CFAP95: variants seen among roughly 807,000 people sequenced by gnomAD.
CFAP95 encodes cilia- and flagella-associated protein 95.
the CFAP95 span, among the ~76,000 whole-genome samples, chr9:69,850,257 C>T: frequency 1.3e-5 from 2 of 152,194 alleles, no homozygotes; most frequent in Non-Finnish European, 2.9e-5. Context: ...ATTTATTAAA[C>T]AGATTTTTCT....
the CFAP95 span, among the ~76,000 whole-genome samples, chr9:69,849,414 A>G: frequency 6.6e-6 from 1 of 152,176 alleles, no homozygotes. Flanking sequence ...GAAGTTCTAC[A>G]TTCAACAAAC....
At chr9:69,841,087 C>T in the CFAP95 span, among the ~76,000 whole-genome samples, 1 of 143,252 alleles carries the variant, frequency 7.0e-6, no homozygotes, top group East Asian at 2.1e-4. Context: ...CTTTCTTGGG[C>T]CCCTTCTTCC....
chr9:69,834,041 A>T, the CFAP95 span, among the ~76,000 whole-genome samples: 2 of 152,226 alleles, frequency 1.3e-5, no homozygotes, highest in Admixed American at 6.5e-5. Flanking sequence ...AAATTATTTA[A>T]GCCAGTAAGA....
At chr9:69,863,781 T>G in the CFAP95 span, among the ~76,000 whole-genome samples, 1 of 152,102 alleles carries the variant, frequency 6.6e-6, no homozygotes, top group South Asian at 2.1e-4. Flanking sequence ...AGATATAATT[T>G]TATGTTAAGA....
At chr9:69,891,086 A>G in the CFAP95 span, among the ~76,000 whole-genome samples, 5 of 152,242 alleles carry the variant, frequency 3.3e-5, no homozygotes, top group Non-Finnish European at 7.3e-5. Context: ...AAGAAGGTAC[A>G]TTAGAGAACT....
chr9:69,889,694 C>G, the CFAP95 span, among the ~76,000 whole-genome samples: 1 of 152,076 alleles, frequency 6.6e-6, no homozygotes, highest in African/African-American at 2.4e-5. Context: ...GCTGCAACAC[C>G]TGCTGTTCTC....
At chr9:69,884,064 A>G in the CFAP95 span, among the ~76,000 whole-genome samples, 43 of 152,018 alleles carry the variant, frequency 2.8e-4, no homozygotes, top group African/African-American at 1.0e-3. Flanking sequence ...CTTTCACTGT[A>G]TCCTTTAAGT....
chr9:69,869,953 T>C, the CFAP95 span, among the ~76,000 whole-genome samples: 1 of 152,182 alleles, frequency 6.6e-6, no homozygotes, highest in Non-Finnish European at 1.5e-5. Flanking sequence ...TTGATCTCAG[T>C]GAATAGTAAT....
At chr9:69,852,754 C>T in the CFAP95 span, among the ~76,000 whole-genome samples, 9 of 152,252 alleles carry the variant, frequency 5.9e-5, no homozygotes, top group Non-Finnish European at 1.0e-4. Flanking sequence ...GCTCCTATAA[C>T]GTGGGAAGGA....
the CFAP95 span, among the ~76,000 whole-genome samples, chr9:69,872,631 T>C: frequency 1.1e-3 from 163 of 152,276 alleles, no homozygotes; most frequent in African/African-American, 3.6e-3. Context: ...AAATTGTCCT[T>C]CATTTCATCT....
At chr9:69,881,776 T>C in the CFAP95 span, among the ~76,000 whole-genome samples, 13 of 152,312 alleles carry the variant, frequency 8.5e-5, no homozygotes, top group South Asian at 1.2e-3. Context: ...TTTAACAATA[T>C]TGAGTTTTCC....
At chr9:69,834,961 GC>G in the CFAP95 span, among the ~76,000 whole-genome samples, 1 of 152,212 alleles carries the variant, frequency 6.6e-6, no homozygotes, top group African/African-American at 2.4e-5. Context: ...AAATAACACT[GC>G]CTTGGCATGT....
chr9:69,857,807 C>G, the CFAP95 span: 1 of 998,046 alleles, frequency 1.0e-6, no homozygotes, highest in Non-Finnish European at 1.5e-6. Context: ...GGATTACAGG[C>G]GTGAGCCACT....
chr9:69,864,658 G>A, the CFAP95 span, among the ~76,000 whole-genome samples: 1 of 152,192 alleles, frequency 6.6e-6, no homozygotes, highest in African/African-American at 2.4e-5. Context: ...ATCCTTATGT[G>A]TGTGGAGTGG....
the CFAP95 span, chr9:69,856,694 T>G: frequency 1.3e-6 from 2 of 1,548,752 alleles, no homozygotes; most frequent in Non-Finnish European, 1.8e-6. Flanking sequence ...TACTTTTCTT[T>G]ACTTTATAGA....
the CFAP95 span, among the ~76,000 whole-genome samples, chr9:69,832,005 T>A: frequency 6.6e-6 from 1 of 152,190 alleles, no homozygotes; most frequent in Non-Finnish European, 1.5e-5. Context: ...CTAACATGTA[T>A]CTAGCGTCAA....
chr9:69,858,074 A>C, the CFAP95 span: 1 of 1,099,168 alleles, frequency 9.1e-7, no homozygotes. Context: ...AGCCAAGGTC[A>C]ACAAAATGCC....
At chr9:69,901,589 T>C in the CFAP95 span, among the ~76,000 whole-genome samples, 25 of 152,176 alleles carry the variant, frequency 1.6e-4, no homozygotes, top group Non-Finnish European at 2.4e-4. Flanking sequence ...CAGTCTATCA[T>C]TGATGGACGT....
chr9:69,852,096 G>A, the CFAP95 span, among the ~76,000 whole-genome samples: 2 of 151,996 alleles, frequency 1.3e-5, no homozygotes, highest in South Asian at 4.2e-4. Flanking sequence ...GGATTTCCAA[G>A]GACAAAACTT....
Sources: gnomAD v4.1 joint callset for allele counts (sites outside exome capture counted in the v4.1 genomes callset) on GRCh38, gnomAD v4.1.1 for gene constraint, MANE v1.5 for transcripts, NCBI Gene and HGNC (gene_info 2026-07-23, HGNC 2026-07-21) for gene names.